The following LOC128125822 variants were observed in gnomAD, a reference collection of about 807,000 sequenced individuals.
At chr6:63,583,294 A>G in the LOC128125822 span, 2 of 152,214 alleles carry the variant, frequency 1.3e-5, no homozygotes, top group African/African-American at 4.8e-5. Context: ...AATATTCTAC[A>G]TTCTTGCTTC....
the LOC128125822 span, chr6:63,580,598 ACCTTATGTGGTTTATT>A: frequency 6.4e-6 from 1 of 156,566 alleles, no homozygotes; most frequent in African/African-American, 2.4e-5. Context: ...TGAACACTAG[ACCTTATGTGGTTTATT>A]CCTTCAATCA....
the LOC128125822 span, among the ~76,000 whole-genome samples, chr6:63,572,993 C>A: frequency 2.6e-5 from 4 of 151,944 alleles, no homozygotes; most frequent in Non-Finnish European, 5.9e-5. Flanking sequence ...CCCGGAGCGA[C>A]GGGGGCGGCG....
the LOC128125822 span, among the ~76,000 whole-genome samples, chr6:63,572,957 G>A: frequency 1.6e-4 from 25 of 152,250 alleles, no homozygotes; most frequent in Middle Eastern, 3.4e-3. Flanking sequence ...GCCGCCGGAG[G>A]CACCGGCTTT....
the LOC128125822 span, chr6:63,576,536 T>C: frequency 2.3e-6 from 1 of 437,746 alleles, no homozygotes; most frequent in Non-Finnish European, 4.0e-6. Flanking sequence ...AAGTGAACTG[T>C]AGAAACTGAT....
chr6:63,572,502 C>A, the LOC128125822 span: 2 of 390,368 alleles, frequency 5.1e-6, no homozygotes, highest in Non-Finnish European at 4.5e-6. Flanking sequence ...GTATTGGCTC[C>A]TTCGGCTGCG....
chr6:63,576,888 G>T, the LOC128125822 span: 1 of 1,611,924 alleles, frequency 6.2e-7, no homozygotes, highest in South Asian at 1.1e-5. Context: ...AACATGGCTC[G>T]AATGAACCGC....
At chr6:63,577,098 C>T in the LOC128125822 span, 2 of 753,638 alleles carry the variant, frequency 2.7e-6, no homozygotes, top group Admixed American at 5.7e-5. Flanking sequence ...CCTACAATTC[C>T]AGTTCCCAGA....
At chr6:63,579,060 A>ATG in the LOC128125822 span, 21 of 1,539,782 alleles carry the variant, frequency 1.4e-5, no homozygotes, top group Middle Eastern at 1.8e-4. Context: ...ATTCTAGGTA[A>ATG]AAATCTATTG....
chr6:63,572,666 C>T, the LOC128125822 span: 3 of 410,380 alleles, frequency 7.3e-6, no homozygotes, highest in African/African-American at 4.1e-5. Context: ...TCGCCGCCGC[C>T]TCGGGACCGG....
At chr6:63,577,857 ACACTAATATATAC>A in the LOC128125822 span, among the ~76,000 whole-genome samples, 2 of 149,492 alleles carry the variant, frequency 1.3e-5, no homozygotes, top group African/African-American at 4.9e-5. Context: ...TATTATATAT[ACACTAATATATAC>A]TATATAGTGT....
At chr6:63,575,956 CAG>C in the LOC128125822 span, among the ~76,000 whole-genome samples, 1 of 152,012 alleles carries the variant, frequency 6.6e-6, no homozygotes, top group South Asian at 2.1e-4. Flanking sequence ...CTAATAACTT[CAG>C]AGTTATCTGG....
At chr6:63,581,335 T>A in the LOC128125822 span, 7 of 152,614 alleles carry the variant, frequency 4.6e-5, no homozygotes, top group Non-Finnish European at 8.8e-5. Flanking sequence ...ATATTTATAC[T>A]GTCTGGGGAT....
chr6:63,573,118 C>A, the LOC128125822 span: 1 of 163,640 alleles, frequency 6.1e-6, no homozygotes, highest in Non-Finnish European at 1.3e-5. Flanking sequence ...TGGTCTGGCG[C>A]GACCCGTCCG....
At chr6:63,575,621 G>C in the LOC128125822 span, among the ~76,000 whole-genome samples, 1 of 152,082 alleles carries the variant, frequency 6.6e-6, no homozygotes, top group Middle Eastern at 3.2e-3. Context: ...TTGGATTTCA[G>C]TTTTGAGTTG....
chr6:63,577,070 A>G, the LOC128125822 span: 10 of 1,024,956 alleles, frequency 9.8e-6, no homozygotes, highest in Non-Finnish European at 1.5e-5. Flanking sequence ...ACTACTTTGG[A>G]AAAAATGAGA....
At chr6:63,576,887 C>T in the LOC128125822 span, 2 of 1,611,758 alleles carry the variant, frequency 1.2e-6, no homozygotes, top group South Asian at 1.1e-5. Context: ...TAACATGGCT[C>T]GAATGAACCG....
chr6:63,579,344 T>G, the LOC128125822 span: 19 of 1,569,292 alleles, frequency 1.2e-5, no homozygotes, highest in Non-Finnish European at 1.7e-5. Flanking sequence ...AAGTAATGGA[T>G]TCTCTTTTCA....
At chr6:63,572,542 G>C in the LOC128125822 span, 9 of 396,796 alleles carry the variant, frequency 2.3e-5, no homozygotes, top group African/African-American at 6.2e-5. Flanking sequence ...TCTGCTCCGA[G>C]CCGCTCACTG....
chr6:63,578,627 A>C, the LOC128125822 span: 2 of 1,456,602 alleles, frequency 1.4e-6, no homozygotes, highest in Non-Finnish European at 1.8e-6. Flanking sequence ...TCATAAATAG[A>C]CCTCAAAAAG....
Sources: allele counts gnomAD v4.1 joint callset (sites outside exome capture counted in the v4.1 genomes callset), GRCh38; gene constraint gnomAD v4.1.1; transcripts MANE v1.5.